TMEFF2: variants seen among roughly 807,000 people sequenced by gnomAD.
TMEFF2 encodes tomoregulin-2.
TMEFF2 carries 28 observed loss-of-function variants against 53.8 expected under a neutral mutation model. The ratio of observed to expected loss-of-function variants is 0.52; its 90% CI spans 0.39 to 0.71. The LOEUF is 0.71. Ranked by LOEUF, TMEFF2 falls within the 30% of genes least tolerant of loss-of-function variation. The pLI is 0.00. For missense variants in TMEFF2, 353 were observed against 455.2 expected (o/e 0.78, Z 2.04); for synonymous variants, 162 against 166.3 (o/e 0.97, Z 0.20).
At position 191,949,797 on chromosome 2, in the gene TMEFF2, A is replaced by AT; in HGVS notation, c.*513dup. 3.0e-6 allele frequency: 3 copies of AT among 985,258 alleles called. No homozygotes were observed. The highest frequency in any genetic ancestry group is 3.6e-6 in the Non-Finnish European group (3 of 829,792). The allele number at this position is 985,258 out of a possible 1,614,324, so 61.0% of individuals were successfully genotyped here. Reference sequence around the variant, plus strand: ...TAGAGATGATTCAAAGATCGGAAATATTTTATCCTCACTCGATATAAAGTA... The same window carrying AT: ...TAGAGATGATTCAAAGATCGGAAATATTTTTATCCTCACTCGATATAAAGTA... On this transcript the variant is annotated 3_prime_UTR_variant, in exon 10 of 10. Coordinates refer to ENST00000272771, the MANE Select transcript of TMEFF2 (RefSeq NM_016192.4).
rs13429433 is a variant in TMEFF2 at position 192,056,666 on chromosome 2, T to G, written c.536+1013A>C. ...TTAGAAGTCAGATTAGCAACTGGTA[T>G]GATCTGAATGTTGCTGTCCCCCTCC... On this transcript the variant is annotated intron_variant, in intron 5 of 9. Transcript: ENST00000272771. 5.6e-3 allele frequency among the ~76,000 whole-genome samples: 852 copies of G among 152,294 alleles called. 6 individuals carry two copies. Among genetic ancestry groups the G allele is most frequent in the African/African-American group, 0.02 (823 of 41,574 alleles).
rs1238480979 is a variant in TMEFF2, at chr2:192,096,651, T to TCC, written c.440-38877_440-38876insGG. On this transcript the variant is annotated intron_variant, in intron 4 of 9. Transcript: ENST00000272771. ...TTTTTTTCTTTTCTTCTTCCTTCCT[T>TCC]CTCTCTCTCTCTCTCTCTCTTTTTT... 5.5e-4 allele frequency among the ~76,000 whole-genome samples: 11 copies of TCC among 20,150 alleles called. No individual in the cohort carries two copies. The East Asian group carries it at 0.14, about 258-fold the overall frequency. The allele number at this position is 20,150 out of a possible 152,430, so 13.2% of individuals were successfully genotyped here. A position where few individuals can be genotyped will look rare whatever the true frequency, so the allele number is the denominator to read the frequency against.
At chr2:192,067,481 G>A (rs1305773719) in intron 4 of TMEFF2, among the ~76,000 whole-genome samples, 1 of 151,778 alleles carries the variant, frequency 6.6e-6, no homozygotes, top group African/African-American at 2.4e-5. Context: ...ATGTGACAAG[G>A]AAAAAGATGT....
chr2:192,147,316 CCTTT>C (rs1690276157), intron 4 of TMEFF2, among the ~76,000 whole-genome samples: 1 of 151,010 alleles, frequency 6.6e-6, no homozygotes, highest in Admixed American at 6.6e-5. Flanking sequence ...CAGTTATCTT[CCTTT>C]ATGTTTTATT....
chr2:192,004,098 G>A (rs1034382815), intron 5 of TMEFF2, among the ~76,000 whole-genome samples: 5 of 152,122 alleles, frequency 3.3e-5, no homozygotes, highest in African/African-American at 1.2e-4. Context: ...TCAATAAATG[G>A]TTGTTGAATA....
chr2:192,191,903 C>A lies in TMEFF2; in HGVS notation c.259G>T (p.Val87Leu), dbSNP rs750019775. The A allele has an allele frequency of 6.2e-7, 1 of 1,612,682 alleles. No homozygotes were observed. Among genetic ancestry groups the A allele is most frequent in the Non-Finnish European group, 8.5e-7 (1 of 1,178,848 alleles). Residue 87 changes from valine (V) to leucine (L), a missense_variant, in exon 2 of 10, where the codon GTG (valine) becomes TTG (leucine). Transcript: ENST00000272771. ...DGECLRIGDT[V>L]TCVCQFKCNN... ...ACCTTGAACTGACAGACGCAAGTCACAGTGTCTCCAATTCTTAAACATTCC... is the reference window on the plus strand; with the variant it reads ...ACCTTGAACTGACAGACGCAAGTCAAAGTGTCTCCAATTCTTAAACATTCC...
chr2:192,055,896 C>A (rs569375439), intron 5 of TMEFF2, among the ~76,000 whole-genome samples: 1 of 152,116 alleles, frequency 6.6e-6, no homozygotes, highest in Admixed American at 6.5e-5. Context: ...CGGCTCCTAG[C>A]TGCCCATTGG....
chr2:192,108,343 C>T (rs1689198714), intron 4 of TMEFF2, among the ~76,000 whole-genome samples: 1 of 151,710 alleles, frequency 6.6e-6, no homozygotes, highest in Non-Finnish European at 1.5e-5. Context: ...TAGTGTAATC[C>T]ACATGTATGA....
intron 4 of TMEFF2, among the ~76,000 whole-genome samples, chr2:192,067,867 A>G (rs938717481): frequency 6.6e-6 from 1 of 151,864 alleles, no homozygotes; most frequent in Non-Finnish European, 1.5e-5. Flanking sequence ...AGTAGTTGAG[A>G]TCTTTATCAT....
intron 5 of TMEFF2, 61 bp from the exon 6 acceptor site, chr2:191,999,269 A>AAAAC: frequency 7.3e-7 from 1 of 1,377,694 alleles, no homozygotes; most frequent in Non-Finnish European, 9.7e-7. Flanking sequence ...CATTATAAAT[A>AAAAC]AAACACAAAT....
At chr2:191,956,186 A>T in intron 8 of TMEFF2, 69 bp downstream of exon 8, 2 of 1,478,130 alleles carry the variant, frequency 1.4e-6, no homozygotes, top group Non-Finnish European at 1.8e-6. Flanking sequence ...AATTTTCTAT[A>T]AACATCTACA....
chr2:192,095,424 G>C (rs1363186905), intron 4 of TMEFF2, among the ~76,000 whole-genome samples: 1 of 152,018 alleles, frequency 6.6e-6, no homozygotes, highest in Non-Finnish European at 1.5e-5. Context: ...CCATGAATTC[G>C]AGACCAGCCT....
At chr2:192,139,969 G>A (rs951456965) in intron 4 of TMEFF2, among the ~76,000 whole-genome samples, 50 of 151,970 alleles carry the variant, frequency 3.3e-4, no homozygotes, top group Admixed American at 2.9e-3. Context: ...TTTCAGCAAC[G>A]TCTTAGCTGA....
chr2:192,172,206 C>CT (rs5837292), intron 4 of TMEFF2, among the ~76,000 whole-genome samples: 93,008 of 148,390 alleles, frequency 0.63, 28,902 homozygotes, highest in East Asian at 0.69. Context: ...CGCTGTGTAG[C>CT]TTTTTTTTTT....
chr2:192,096,700 G>A (rs1235760147), intron 4 of TMEFF2, among the ~76,000 whole-genome samples: 8 of 84,280 alleles, frequency 9.5e-5, no homozygotes, highest in Non-Finnish European at 1.7e-4. Flanking sequence ...TTTTGAGGTG[G>A]AGTTTCGCTT....
intron 4 of TMEFF2, among the ~76,000 whole-genome samples, chr2:192,094,005 C>T (rs1370505693): frequency 1.3e-5 from 2 of 152,044 alleles, no homozygotes; most frequent in Admixed American, 1.3e-4. Context: ...TTTTCTCACG[C>T]CTGTGGGTTG....
At chr2:191,993,503 AC>A (rs1412556870) in intron 7 of TMEFF2, among the ~76,000 whole-genome samples, 3 of 152,006 alleles carry the variant, frequency 2.0e-5, no homozygotes, top group Non-Finnish European at 2.9e-5. Flanking sequence ...TCCAGGACTT[AC>A]ATTTTTCACG....
At chr2:192,134,693 C>T (rs1374229058) in intron 4 of TMEFF2, among the ~76,000 whole-genome samples, 1 of 152,192 alleles carries the variant, frequency 6.6e-6, no homozygotes, top group East Asian at 1.9e-4. Context: ...TAAAATGCCT[C>T]TTAGTCTAAG....
At position 191,949,487 on chromosome 2, in the gene TMEFF2, A is replaced by G. The variant is rs1403026887; in HGVS notation, c.*824T>C. On this transcript the variant is annotated 3_prime_UTR_variant, in exon 10 of 10. Coordinates refer to ENST00000272771, the MANE Select transcript of TMEFF2 (RefSeq NM_016192.4). ...TTCACGATTTTGGTGTTTCACATCT[A>G]GTGGTGTTATTACATTTTTCCCCTG... The G allele has an allele frequency of 2.0e-6, 2 of 985,308 alleles. No individual in the cohort carries two copies. The highest frequency in any genetic ancestry group is 2.4e-6 in the Non-Finnish European group (2 of 829,922). 61.0% of individuals were successfully genotyped at this position (985,308 alleles called of 1,614,324 possible). A position where few individuals can be genotyped will look rare whatever the true frequency, so the allele number is the denominator to read the frequency against.
Sources: allele counts gnomAD v4.1 joint callset (sites outside exome capture counted in the v4.1 genomes callset), GRCh38; gene constraint gnomAD v4.1.1; transcripts MANE v1.5; gene names NCBI Gene and HGNC (gene_info 2026-07-23, HGNC 2026-07-21).